HSF5: variants seen among roughly 807,000 people sequenced by gnomAD.
HSF5 encodes heat shock factor protein 5.
Under a neutral mutation model 50.8 loss-of-function variants are expected in HSF5, and 5 were observed. That is an observed-to-expected ratio of 0.10 (90% CI 0.05 to 0.21). HSF5 has a LOEUF of 0.21. Ranked by LOEUF, HSF5 falls within the 10% of genes least tolerant of loss-of-function variation. The pLI, the probability that HSF5 is intolerant of heterozygous loss-of-function variation, is 1.00. For synonymous variants in HSF5, 307 were observed against 307.4 expected (o/e 1.00, Z 0.02); for missense variants, 564 against 762.6 (o/e 0.74, Z 3.07).
intron 5 of HSF5, among the ~76,000 whole-genome samples, chr17:58,441,343 C>T (rs146131298): frequency 2.0e-5 from 3 of 152,022 alleles, no homozygotes; most frequent in African/African-American, 7.2e-5. Flanking sequence ...AATACAACAC[C>T]AAACTTTGCT....
intron 5 of HSF5, among the ~76,000 whole-genome samples, chr17:58,430,704 G>C (rs927543911): frequency 1.3e-5 from 2 of 152,136 alleles, no homozygotes; most frequent in Non-Finnish European, 2.9e-5. Flanking sequence ...CTTGGACTGA[G>C]CTACACTGCC....
intron 5 of HSF5, among the ~76,000 whole-genome samples, chr17:58,426,965 A>G (rs1044747228): frequency 2.0e-5 from 3 of 152,154 alleles, no homozygotes; most frequent in Admixed American, 1.3e-4. Context: ...TGAAAAAAAA[A>G]TGTTGGCCAG....
intron 5 of HSF5, among the ~76,000 whole-genome samples, chr17:58,423,583 G>A (rs1197353563): frequency 2.0e-5 from 3 of 149,302 alleles, no homozygotes; most frequent in Non-Finnish European, 3.0e-5. Flanking sequence ...GGGTTCATGC[G>A]ATTCTCCTGC....
intron 5 of HSF5, among the ~76,000 whole-genome samples, chr17:58,429,916 A>C (rs547947280): frequency 6.6e-6 from 1 of 152,150 alleles, no homozygotes; most frequent in East Asian, 1.9e-4. Flanking sequence ...TTTTCCTGTC[A>C]ATTTGAAATG....
At chr17:58,440,150 G>C (rs1053746101) in intron 5 of HSF5, among the ~76,000 whole-genome samples, 1 of 152,232 alleles carries the variant, frequency 6.6e-6, no homozygotes, top group African/African-American at 2.4e-5. Flanking sequence ...AGTGTCAGGT[G>C]AGAGTGGGGA....
chr17:58,450,151 C>T (rs1480536874), intron 5 of HSF5, among the ~76,000 whole-genome samples: 1 of 150,828 alleles, frequency 6.6e-6, no homozygotes, highest in Non-Finnish European at 1.5e-5. Flanking sequence ...GCCTGGCCAA[C>T]ATGGTGAAAT....
chr17:58,457,512 T>C, intron 5 of HSF5, among the ~76,000 whole-genome samples: 1 of 151,108 alleles, frequency 6.6e-6, no homozygotes, highest in Non-Finnish European at 1.5e-5. Flanking sequence ...GCCATGAGAA[T>C]TGCTGGAATC....
intron 4 of HSF5, among the ~76,000 whole-genome samples, chr17:58,459,646 C>CAAA (rs35302270): frequency 2.8e-5 from 3 of 105,552 alleles, no homozygotes; most frequent in Admixed American, 1.0e-4. Flanking sequence ...GACTACATCT[C>CAAA]AAAAAAAAAA....
At chr17:58,473,862 T>C (rs1162082745) in intron 2 of HSF5, among the ~76,000 whole-genome samples, 3 of 152,142 alleles carry the variant, frequency 2.0e-5, no homozygotes, top group Non-Finnish European at 4.4e-5. Context: ...TTTATTTTTA[T>C]AACACAATTT....
At chr17:58,449,691 C>T (rs950808130) in intron 5 of HSF5, among the ~76,000 whole-genome samples, 1 of 145,622 alleles carries the variant, frequency 6.9e-6, no homozygotes, top group Non-Finnish European at 1.5e-5. Context: ...CGGAGTGAGG[C>T]TCCATCTCAA....
rs539165832 is a variant in HSF5, at chr17:58,483,114, G to A, written c.551-2847C>T. Among the ~76,000 whole-genome samples the A allele has an allele frequency of 9.4e-4, 37 of 39,426 alleles. 1 individual carries two copies. In the South Asian group the frequency reaches 0.038, roughly 41 times the overall value. 25.9% of individuals were successfully genotyped at this position (39,426 alleles called of 152,430 possible). A position where few individuals can be genotyped will look rare whatever the true frequency, so the allele number is the denominator to read the frequency against. On this transcript the variant is annotated intron_variant, in intron 1 of 5. Transcript: ENST00000323777. ...TTCCCTGATTTCTCCTGGGATGCTC[G>A]CAGTCAACACTACATACAGCCTACA...
chr17:58,460,946 C>T (rs1348038912), intron 4 of HSF5, among the ~76,000 whole-genome samples: 2 of 151,610 alleles, frequency 1.3e-5, no homozygotes, highest in African/African-American at 4.8e-5. Flanking sequence ...GGGCCAGGTG[C>T]AGTGGCTCAC....
chr17:58,425,883 T>C (rs930749015), intron 5 of HSF5, among the ~76,000 whole-genome samples: 1 of 152,168 alleles, frequency 6.6e-6, no homozygotes, highest in African/African-American at 2.4e-5. Context: ...AAATTACTGA[T>C]GCTTGGGGCC....
At chr17:58,448,133 C>CAA (rs33943640) in intron 5 of HSF5, among the ~76,000 whole-genome samples, 64 of 81,958 alleles carry the variant, frequency 7.8e-4, no homozygotes, top group South Asian at 1.3e-3. Context: ...GAACCTGTCT[C>CAA]AAAAAAAAAA....
At chr17:58,439,907 A>G (rs1974477483) in intron 5 of HSF5, among the ~76,000 whole-genome samples, 1 of 152,202 alleles carries the variant, frequency 6.6e-6, no homozygotes. Context: ...AAACAGAGAG[A>G]GAAGTTCATC....
rs144942784 is a variant in HSF5, at chr17:58,472,926, T to C, written c.926-5947A>G. On this transcript the variant is annotated intron_variant, in intron 2 of 5. Coordinates refer to ENST00000323777, the MANE Select transcript of HSF5 (RefSeq NM_001080439.3). ...ATAAAAAGGTAGATTCCCCTACCAA[T>C]TGCTGTTGTCCACCCTATCTGGGAA... Among the ~76,000 whole-genome samples the C allele has an allele frequency of 5.8e-3, 884 of 152,288 alleles. 5 individuals carry two copies. Among genetic ancestry groups the C allele is most frequent in the African/African-American group, 9.3e-3 (386 of 41,560 alleles).
At chr17:58,449,229 G>T (rs1974601728) in intron 5 of HSF5, among the ~76,000 whole-genome samples, 1 of 152,162 alleles carries the variant, frequency 6.6e-6, no homozygotes, top group African/African-American at 2.4e-5. Flanking sequence ...GAAGAAAGGA[G>T]TTACAAAACA....
chr17:58,441,129 A>G (rs1974493478), intron 5 of HSF5, among the ~76,000 whole-genome samples: 1 of 152,222 alleles, frequency 6.6e-6, no homozygotes, highest in South Asian at 2.1e-4. Flanking sequence ...AATAAATATA[A>G]AGGATCAAAA....
At chr17:58,487,662 G>T in intron 1 of HSF5, 63 bp downstream of exon 1, 1 of 1,352,370 alleles carries the variant, frequency 7.4e-7, no homozygotes, top group South Asian at 2.2e-5. Flanking sequence ...GCCCTCCAGC[G>T]GCGGTTGCTC....
Sources: allele counts gnomAD v4.1 joint callset (sites outside exome capture counted in the v4.1 genomes callset), GRCh38; gene constraint gnomAD v4.1.1; transcripts MANE v1.5; gene names NCBI Gene and HGNC (gene_info 2026-07-23, HGNC 2026-07-21).